CHD2: variants seen among roughly 807,000 people sequenced by gnomAD.
CHD2 encodes the protein chromodomain helicase DNA binding protein 2, also known as ATP-dependent chromatin remodeler CHD2.
A neutral mutation model predicts 243.9 loss-of-function variants in CHD2; 28 were observed. That is an observed-to-expected ratio of 0.11 (90% CI 0.09 to 0.16). The LOEUF (loss-of-function observed/expected upper bound fraction) is 0.16. CHD2 is among the 10% of genes least tolerant of loss of function. CHD2 has a pLI of 1.00. For synonymous variants in CHD2, 775 were observed against 779.0 expected (o/e 0.99, Z 0.09); for missense variants, 1,386 against 2,209.8 (o/e 0.63, Z 7.47).
intron 33 of CHD2, 110 bp from the exon 34 acceptor site, chr15:93,004,507 C>CT: frequency 9.6e-7 from 1 of 1,036,668 alleles, no homozygotes; most frequent in East Asian, 2.7e-5. Flanking sequence ...AAAAAATAAA[C>CT]TGAGACCATC....
At chr15:92,975,666 C>CT (rs931379088) in intron 20 of CHD2, among the ~76,000 whole-genome samples, 185 of 143,146 alleles carry the variant, frequency 1.3e-3, no homozygotes, top group African/African-American at 2.3e-3. Flanking sequence ...TGAGCCACTA[C>CT]TTTTTTTTTT....
At chr15:93,014,381 A>C (rs2141887761) in intron 36 of CHD2, among the ~76,000 whole-genome samples, 1 of 152,348 alleles carries the variant, frequency 6.6e-6, no homozygotes, top group South Asian at 2.1e-4. Context: ...TACATGGTCC[A>C]GGATGATCCT....
At chr15:92,948,311 C>G (rs2053502985) in intron 12 of CHD2, among the ~76,000 whole-genome samples, 1 of 152,070 alleles carries the variant, frequency 6.6e-6, no homozygotes, top group South Asian at 2.1e-4. Flanking sequence ...GTTTTGTACT[C>G]TTTAGAATCA....
chr15:92,965,894 A>T (rs2053755489), intron 16 of CHD2, among the ~76,000 whole-genome samples: 1 of 152,124 alleles, frequency 6.6e-6, no homozygotes, highest in Non-Finnish European at 1.5e-5. Flanking sequence ...ATTTATTATA[A>T]CATGTGTTAG....
At chr15:93,000,075 A>G (rs1596448978) in intron 31 of CHD2, among the ~76,000 whole-genome samples, 1 of 152,316 alleles carries the variant, frequency 6.6e-6, no homozygotes, top group Non-Finnish European at 1.5e-5. Context: ...CCTGACCAAC[A>G]TGGCGAAACC....
At chr15:92,904,722 A>G in intron 2 of CHD2, 2 of 1,399,680 alleles carry the variant, frequency 1.4e-6, no homozygotes, top group Non-Finnish European at 1.8e-6. Flanking sequence ...ATCTTAAAAT[A>G]GAAAATTTGC....
intron 16 of CHD2, among the ~76,000 whole-genome samples, chr15:92,957,952 A>T (rs1200846829): frequency 6.6e-6 from 1 of 152,000 alleles, no homozygotes; most frequent in Non-Finnish European, 1.5e-5. Flanking sequence ...TTCACTTAGC[A>T]TATTTTTTTT....
intron 2 of CHD2, among the ~76,000 whole-genome samples, chr15:92,914,285 C>G (rs1469460558): frequency 6.6e-6 from 1 of 152,232 alleles, no homozygotes; most frequent in Non-Finnish European, 1.5e-5. Flanking sequence ...TGGTTATTTA[C>G]AAAGACTTTT....
At chr15:92,967,276 C>T (rs751859312) in intron 16 of CHD2, 49 bp from the exon 17 acceptor site, 183 of 1,295,148 alleles carry the variant, frequency 1.4e-4, no homozygotes, top group South Asian at 6.9e-4. Context: ...TTTTCCTATT[C>T]TTCTTTTCCT....
intron 2 of CHD2, among the ~76,000 whole-genome samples, chr15:92,906,957 T>C (rs989698211): frequency 1.3e-5 from 2 of 152,200 alleles, no homozygotes; most frequent in Non-Finnish European, 2.9e-5. Flanking sequence ...TTTGGAACTT[T>C]AGGGTTATCA....
intron 7 of CHD2, among the ~76,000 whole-genome samples, chr15:92,940,402 A>G (rs2053340349): frequency 6.6e-6 from 1 of 152,132 alleles, no homozygotes; most frequent in Non-Finnish European, 1.5e-5. Context: ...AGTTGAGATC[A>G]CGCCACTGCA....
intron 38 of CHD2, 44 bp downstream of exon 38, chr15:93,020,302 G>T: frequency 6.2e-7 from 1 of 1,612,664 alleles, no homozygotes; most frequent in Non-Finnish European, 8.5e-7. Context: ...CCTTTGCCAG[G>T]AGCTGTTTCT....
Position 92,980,843 on chromosome 15 carries a change from A to C in CHD2, c.2905A>C (p.Thr969Pro). 1 of 1,613,672 alleles carries C rather than the reference A, an allele frequency of 6.2e-7. No individual in the cohort carries two copies. Among genetic ancestry groups the C allele is most frequent in the Non-Finnish European group, 8.5e-7 (1 of 1,179,694 alleles). ...AAATCCTTTTAATAAAGAAGAGCTG[A>C]CAGCTATTTTGAAATTTGGAGCAGA... is the stretch of plus-strand genomic sequence containing the variant. ...NSNPFNKEEL[T>P]AILKFGAEDL... Residue 969 changes from threonine to proline, a missense_variant, in exon 23 of 39, where the codon ACA becomes CCA. By Grantham distance (38) the Thr-to-Pro change is conservative. Transcript: ENST00000394196.
chr15:92,965,107 A>G (rs566698543), intron 16 of CHD2: 1 of 152,364 alleles, frequency 6.6e-6, no homozygotes, highest in East Asian at 1.9e-4. Context: ...AGAGACAAAT[A>G]TTAAATACAG....
At chr15:93,017,353 C>T (rs1417589132) in intron 37 of CHD2, among the ~76,000 whole-genome samples, 1 of 150,868 alleles carries the variant, frequency 6.6e-6, no homozygotes, top group Admixed American at 6.6e-5. Context: ...GATGGAGCCT[C>T]GCTCTGTCAC....
chr15:93,005,534 GA>G (rs145613470), intron 34 of CHD2, among the ~76,000 whole-genome samples: 2,011 of 152,168 alleles, frequency 0.013, 39 homozygotes, highest in African/African-American at 0.046. Flanking sequence ...CATTCAGGCT[GA>G]AAGAAAAAGC....
chr15:93,002,448 G>A (rs2054269148), intron 33 of CHD2, 131 bp downstream of exon 33: 2 of 1,409,290 alleles, frequency 1.4e-6, no homozygotes, highest in East Asian at 2.6e-5. Flanking sequence ...AAGGATGGGT[G>A]GGGCCGTTGA....
chr15:92,902,954 C>A (rs1353878830), intron 2 of CHD2, among the ~76,000 whole-genome samples: 2 of 152,132 alleles, frequency 1.3e-5, no homozygotes, highest in Non-Finnish European at 2.9e-5. Flanking sequence ...GGAAAACTAC[C>A]TGGAAGTTGT....
chr15:92,915,509 G>C (rs1034154877), intron 2 of CHD2, among the ~76,000 whole-genome samples: 1 of 152,082 alleles, frequency 6.6e-6, no homozygotes, highest in African/African-American at 2.4e-5. Flanking sequence ...CTGACCTTGT[G>C]ATCTGCCTGC....
Sources: gnomAD v4.1 joint callset for allele counts (sites outside exome capture counted in the v4.1 genomes callset) on GRCh38, gnomAD v4.1.1 for gene constraint, MANE v1.5 for transcripts, NCBI Gene and HGNC (gene_info 2026-07-23, HGNC 2026-07-21) for gene names.